CCDC171: variants seen among roughly 807,000 people sequenced by gnomAD.
CCDC171 encodes the protein coiled-coil domain containing 171.
A neutral mutation model predicts 168.2 loss-of-function variants in CCDC171; 177 were observed. That is an observed-to-expected ratio of 1.05 (90% CI 0.93 to 1.19). The LOEUF (loss-of-function observed/expected upper bound fraction) is 1.19. Ranked by LOEUF, CCDC171 falls within the 50% of genes most tolerant of loss-of-function variation. The pLI is 0.00. For missense variants in CCDC171, 1,991 were observed against 1,539.0 expected, an observed-to-expected ratio of 1.29 and a Z score of -4.91; for synonymous variants, 687 against 540.8, an observed-to-expected ratio of 1.27 and a Z score of -3.75.
At chr9:16,098,195 T>TGCA in the CCDC171 span, among the ~76,000 whole-genome samples, 4 of 152,216 alleles carry the variant, frequency 2.6e-5, no homozygotes, top group African/African-American at 9.6e-5. Flanking sequence ...TGAGCCTTTT[T>TGCA]TCCCCTAATG....
intron 21 of CCDC171, 50 bp from the exon 22 acceptor site, chr9:15,846,652 A>C: frequency 6.3e-7 from 1 of 1,579,640 alleles, no homozygotes; most frequent in Non-Finnish European, 8.7e-7. Flanking sequence ...GCATAAATTG[A>C]AGTTAATTAT....
downstream of CCDC171, among the ~76,000 whole-genome samples, chr9:16,062,396 A>G (rs1309596790): frequency 6.6e-6 from 1 of 152,172 alleles, no homozygotes; most frequent in South Asian, 2.1e-4. Context: ...ACCAGGGACA[A>G]CTTGAGGGTG....
intron 16 of CCDC171, among the ~76,000 whole-genome samples, chr9:15,739,194 T>C (rs2054686401): frequency 6.6e-6 from 1 of 152,186 alleles, no homozygotes; most frequent in South Asian, 2.1e-4. Context: ...AGACAGAACC[T>C]GAAATGGGCT....
At chr9:15,762,232 G>A (rs2056485534) in intron 18 of CCDC171, among the ~76,000 whole-genome samples, 1 of 148,588 alleles carries the variant, frequency 6.7e-6, no homozygotes, top group Non-Finnish European at 1.5e-5. Context: ...TATCTTTTCA[G>A]GTTTTTGTAA....
chr9:15,955,399 T>G (rs1829691282), intron 25 of CCDC171, among the ~76,000 whole-genome samples: 1 of 152,130 alleles, frequency 6.6e-6, no homozygotes, highest in Admixed American at 6.6e-5. Context: ...GTCACCTGCC[T>G]TTTGGTACCT....
At chr9:15,699,564 A>G (rs138808096) in intron 11 of CCDC171, among the ~76,000 whole-genome samples, 1,641 of 152,214 alleles carry the variant, frequency 0.011, 37 homozygotes, top group African/African-American at 0.038. Flanking sequence ...AGCTAGACAC[A>G]AAGGTTCTCC....
intron 18 of CCDC171, among the ~76,000 whole-genome samples, chr9:15,747,566 T>C (rs1351990852): frequency 3.3e-5 from 5 of 152,142 alleles, no homozygotes; most frequent in Non-Finnish European, 7.4e-5. Context: ...CAGGCAGCAA[T>C]ACTTGCTGTT....
chr9:16,048,829 C>T (rs997007102), intron 1 of CCDC171, among the ~76,000 whole-genome samples: 3 of 152,030 alleles, frequency 2.0e-5, no homozygotes, highest in African/African-American at 4.8e-5. Context: ...AACAGTACCT[C>T]GCACGTAGTA....
At chr9:15,817,830 A>G (rs2059617835) in intron 21 of CCDC171, among the ~76,000 whole-genome samples, 1 of 118,308 alleles carries the variant, frequency 8.5e-6, no homozygotes, top group Non-Finnish European at 1.9e-5. Flanking sequence ...CCTGTCTGAC[A>G]GCTTTGAAGA....
chr9:16,021,394 A>G (rs1483482350), intron 4 of CCDC171, among the ~76,000 whole-genome samples: 1 of 152,188 alleles, frequency 6.6e-6, no homozygotes, highest in Non-Finnish European at 1.5e-5. Flanking sequence ...CCTCAATAAG[A>G]CAATTACTTA....
intron 23 of CCDC171, among the ~76,000 whole-genome samples, chr9:15,859,328 G>T (rs1343195247): frequency 1.3e-5 from 2 of 151,962 alleles, no homozygotes; most frequent in African/African-American, 2.4e-5. Context: ...ATTCATCAGG[G>T]ATATTGGCCT....
intron 6 of CCDC171, among the ~76,000 whole-genome samples, chr9:15,618,636 C>G (rs2044270473): frequency 6.6e-6 from 1 of 152,170 alleles, no homozygotes. Flanking sequence ...AACACAGGGC[C>G]CTGGTGGCAT....
At chr9:15,605,535 A>AG in intron 6 of CCDC171, among the ~76,000 whole-genome samples, 1 of 150,654 alleles carries the variant, frequency 6.6e-6, no homozygotes, top group East Asian at 1.9e-4. Context: ...AAAAAAAAAA[A>AG]AATTAGCCGG....
rs761385635 is a variant in CCDC171, at chr9:15,744,598, A to C, written c.2375A>C (p.Lys792Thr). The C allele has an allele frequency of 2.5e-6, 4 of 1,614,228 alleles. No homozygotes were observed. The highest frequency in any genetic ancestry group is 1.7e-4 in the Middle Eastern group (1 of 6,060). The change falls in exon 17 of 26, where the codon AAA (lysine) becomes ACA (threonine). Residue 792 changes from lysine to threonine, a missense_variant. Coordinates refer to ENST00000380701, the MANE Select transcript of CCDC171 (RefSeq NM_173550.4). ...CAAGAGGAAGCCAAGATGAAAAAGA[A>C]AACATTCAAAGGATTGATACGTATA... ...KKQEEAKMKKKTFKGLIRIFR... is the reference protein window; with the variant it reads ...KKQEEAKMKKTTFKGLIRIFR...
intron 21 of CCDC171, among the ~76,000 whole-genome samples, chr9:15,818,714 T>C (rs1455134982): frequency 8.4e-6 from 1 of 118,448 alleles, no homozygotes; most frequent in East Asian, 2.1e-4. Context: ...CATCTACGTC[T>C]GATTGGTGTA....
rs1360151670 is a variant in CCDC171 at position 15,605,514 on chromosome 9, C to CT, written c.675+11343dup. Among the ~76,000 whole-genome samples, 4 of 72,686 alleles carry CT rather than the reference C, an allele frequency of 5.5e-5. No individual in the cohort carries two copies. In the East Asian group the frequency reaches 2.2e-3, roughly 40 times the overall value. The allele number at this position is 72,686 out of a possible 152,430, so 47.7% of individuals were successfully genotyped here. Reference sequence around the variant, plus strand: ...CCAACACTGTGAAACCCTGTCTCTACTAAAAAAAAAAAAAAAAAAAAAATT... The same window carrying CT: ...CCAACACTGTGAAACCCTGTCTCTACTTAAAAAAAAAAAAAAAAAAAAAATT... On this transcript the variant is annotated intron_variant, in intron 6 of 25. Transcript: ENST00000380701.
At position 15,846,743 on chromosome 9, in the gene CCDC171, A is replaced by G. The variant is rs764106605; in HGVS notation, c.3309A>G (p.Gln1103=). The G allele has an allele frequency of 3.7e-6, 6 of 1,613,056 alleles. No individual in the cohort carries two copies. The highest frequency in any genetic ancestry group is 1.3e-5 in the African/African-American group (1 of 74,970). The change falls in exon 22 of 26, where the codon CAA becomes CAG. Residue 1103 remains glutamine (Q), a synonymous_variant. Coordinates refer to ENST00000380701, the MANE Select transcript of CCDC171 (RefSeq NM_173550.4). Reference sequence around the variant, plus strand: ...AGATGGAGCTGAGAAGAAAAGATCAATCTCTGCGTCAGCTCAATAGACATC... The same window carrying G: ...AGATGGAGCTGAGAAGAAAAGATCAGTCTCTGCGTCAGCTCAATAGACATC... ...EAKMELRRKD[Q]SLRQLNRHLT... is the part of the protein sequence containing the mutation.
At chr9:15,824,875 C>G (rs1393757223) in intron 21 of CCDC171, among the ~76,000 whole-genome samples, 2 of 152,032 alleles carry the variant, frequency 1.3e-5, no homozygotes, top group East Asian at 3.9e-4. Context: ...ATGAAGGGGT[C>G]ATTATCTACA....
the CCDC171 span, among the ~76,000 whole-genome samples, chr9:16,103,986 G>A: frequency 2.0e-5 from 3 of 152,174 alleles, no homozygotes; most frequent in East Asian, 3.8e-4. Context: ...TCAAGATGCC[G>A]GCTGGTGGGT....
Sources: allele counts gnomAD v4.1 joint callset (sites outside exome capture counted in the v4.1 genomes callset), GRCh38; gene constraint gnomAD v4.1.1; transcripts MANE v1.5; gene names NCBI Gene and HGNC (gene_info 2026-07-23, HGNC 2026-07-21).